The following DPYD variants were observed in gnomAD, a reference collection of about 807,000 sequenced individuals.
DPYD encodes the protein dihydropyrimidine dehydrogenase, also known as dihydropyrimidine dehydrogenase [NADP(+)].
Under a neutral mutation model 116.2 loss-of-function variants are expected in DPYD, and 109 were observed. The observed-to-expected ratio is 0.94, with a 90% CI of 0.80 to 1.10. DPYD has a LOEUF of 1.10. Ranked by LOEUF, DPYD falls within the 50% of genes least tolerant of loss-of-function variation. The pLI, the probability that DPYD is intolerant of heterozygous loss-of-function variation, is 0.00. For missense variants in DPYD, 1,302 were observed against 1,254.5 expected, an observed-to-expected ratio of 1.04 and a Z score of -0.57; for synonymous variants, 440 against 432.0, an observed-to-expected ratio of 1.02 and a Z score of -0.23.
intron 18 of DPYD, among the ~76,000 whole-genome samples, chr1:97,256,676 A>G (rs1256316068): frequency 6.6e-6 from 1 of 152,118 alleles, no homozygotes; most frequent in Non-Finnish European, 1.5e-5. Context: ...TATCTTTATT[A>G]GCAGTGTGAG....
chr1:97,729,605 G>C (rs1239439865), intron 4 of DPYD, among the ~76,000 whole-genome samples: 1 of 152,050 alleles, frequency 6.6e-6, no homozygotes, highest in Non-Finnish European at 1.5e-5. Flanking sequence ...GAAGCAAAAT[G>C]TATGTACAGA....
intron 3 of DPYD, among the ~76,000 whole-genome samples, chr1:97,802,562 ATC>A (rs1473104008): frequency 6.6e-6 from 1 of 151,790 alleles, no homozygotes; most frequent in East Asian, 1.9e-4. Flanking sequence ...GGGGCCTCAG[ATC>A]TATCCCTCAG....
At chr1:97,234,828 G>C (rs376013657) in intron 19 of DPYD, 24 bp downstream of exon 19, 35 of 1,613,072 alleles carry the variant, frequency 2.2e-5, no homozygotes, top group African/African-American at 4.0e-5. Context: ...ATTTTTAAAA[G>C]GGACAGACAA....
At chr1:97,746,603 T>TA (rs1353351526) in intron 3 of DPYD, among the ~76,000 whole-genome samples, 4 of 152,072 alleles carry the variant, frequency 2.6e-5, no homozygotes, top group Non-Finnish European at 5.9e-5. Flanking sequence ...AGAAAAAGAT[T>TA]AAAAAATAGG....
intron 18 of DPYD, among the ~76,000 whole-genome samples, chr1:97,267,139 CCCA>C (rs1223542307): frequency 2.0e-5 from 3 of 152,190 alleles, no homozygotes; most frequent in African/African-American, 7.2e-5. Flanking sequence ...AGTTTACACT[CCCA>C]CCAACAGTGT....
At chr1:97,237,392 C>A (rs1453050225) in intron 18 of DPYD, among the ~76,000 whole-genome samples, 1 of 152,100 alleles carries the variant, frequency 6.6e-6, no homozygotes, top group Non-Finnish European at 1.5e-5. Context: ...GTGGCTCCCA[C>A]ACCTCAAACA....
chr1:97,140,798 C>G (rs1402374808), intron 20 of DPYD, among the ~76,000 whole-genome samples: 2 of 152,092 alleles, frequency 1.3e-5, no homozygotes, highest in East Asian at 3.9e-4. Flanking sequence ...GTTCTAATGT[C>G]TGGAAGTGAT....
intron 16 of DPYD, among the ~76,000 whole-genome samples, chr1:97,367,957 TCTTC>T (rs1333013579): frequency 6.6e-6 from 1 of 152,156 alleles, no homozygotes; most frequent in Non-Finnish European, 1.5e-5. Context: ...CATATATTCT[TCTTC>T]CTTCCTCATG....
chr1:97,547,919 A>T (rs140142151), intron 12 of DPYD, among the ~76,000 whole-genome samples: 3 of 152,280 alleles, frequency 2.0e-5, no homozygotes, highest in Non-Finnish European at 4.4e-5. Context: ...AGGCAGGTGA[A>T]TCAAACTTTT....
intron 2 of DPYD, among the ~76,000 whole-genome samples, chr1:97,862,808 T>C (rs911507959): frequency 5.9e-5 from 9 of 151,904 alleles, no homozygotes; most frequent in Non-Finnish European, 1.3e-4. Flanking sequence ...AAACATTTTA[T>C]AGTCAATTCA....
intron 13 of DPYD, among the ~76,000 whole-genome samples, chr1:97,465,235 TA>T (rs777148104): frequency 1.4e-4 from 21 of 152,238 alleles, no homozygotes; most frequent in Admixed American, 7.2e-4. Context: ...ATCTAGGAAG[TA>T]ACTAACTTTC....
In DPYD at chr1:97,098,469, A is replaced by G; in HGVS notation, c.2766+20T>C. On this transcript the variant is annotated intron_variant, in intron 21 of 22. Transcript: ENST00000370192. ...TAACCAGTAAAGTAGGCATACTTAT[A>G]TAGTTGGCATAATTTTTACCTTGAT... 1 of 1,609,706 alleles carries G rather than the reference A, an allele frequency of 6.2e-7. No individual in the cohort carries two copies.
chr1:97,613,396 T>C (rs1656068507), intron 8 of DPYD, among the ~76,000 whole-genome samples: 1 of 151,240 alleles, frequency 6.6e-6, no homozygotes. Context: ...AAAAAAAGAG[T>C]GGACATGTCA....
chr1:97,254,125 C>G (rs571780099), intron 18 of DPYD, among the ~76,000 whole-genome samples: 2 of 152,146 alleles, frequency 1.3e-5, no homozygotes, highest in African/African-American at 4.8e-5. Flanking sequence ...AATATCTTGT[C>G]TTTATAAGAG....
intron 3 of DPYD, among the ~76,000 whole-genome samples, chr1:97,807,540 AT>A (rs1365228897): frequency 1.3e-5 from 2 of 151,778 alleles, no homozygotes; most frequent in Non-Finnish European, 2.9e-5. Flanking sequence ...TATGTCATTT[AT>A]TTATCTGTTA....
chr1:97,166,221 T>C (rs1656315088), intron 20 of DPYD, among the ~76,000 whole-genome samples: 1 of 152,182 alleles, frequency 6.6e-6, no homozygotes, highest in Non-Finnish European at 1.5e-5. Flanking sequence ...AAAGAAAATA[T>C]GGTACATATA....
chr1:97,291,889 T>C (rs1447035278), intron 18 of DPYD, among the ~76,000 whole-genome samples: 2 of 152,112 alleles, frequency 1.3e-5, no homozygotes, highest in African/African-American at 4.8e-5. Context: ...TATATTTGAA[T>C]TACTAGTACT....
chr1:97,911,082 A>G (rs1277701173), intron 1 of DPYD, among the ~76,000 whole-genome samples: 2 of 152,104 alleles, frequency 1.3e-5, no homozygotes, highest in South Asian at 2.1e-4. Context: ...TTAAAAAATA[A>G]TTTTTATTAA....
chr1:97,204,192 A>G (rs1659442359), intron 19 of DPYD, among the ~76,000 whole-genome samples: 2 of 152,182 alleles, frequency 1.3e-5, no homozygotes, highest in African/African-American at 2.4e-5. Context: ...ATTTGTTAAA[A>G]GGAACTTTTA....
Sources: allele counts gnomAD v4.1 joint callset (sites outside exome capture counted in the v4.1 genomes callset), GRCh38; gene constraint gnomAD v4.1.1; transcripts MANE v1.5; gene names NCBI Gene and HGNC (gene_info 2026-07-23, HGNC 2026-07-21).